The following SEMA6D variants were observed in gnomAD, a reference collection of about 807,000 sequenced individuals.
SEMA6D encodes semaphorin-6D.
SEMA6D carries 35 observed loss-of-function variants against 106.6 expected under a neutral mutation model. The ratio of observed to expected loss-of-function variants is 0.33; its 90% CI spans 0.25 to 0.44. The LOEUF is 0.44. Ranked by LOEUF, SEMA6D falls within the 20% of genes least tolerant of loss-of-function variation. The pLI, the probability that SEMA6D is intolerant of heterozygous loss-of-function variation, is 1.00. For synonymous variants in SEMA6D, 499 were observed against 487.7 expected, an observed-to-expected ratio of 1.02 and a Z score of -0.31; for missense variants, 1,185 against 1,345.9, an observed-to-expected ratio of 0.88 and a Z score of 1.87.
intron 3 of SEMA6D, among the ~76,000 whole-genome samples, chr15:47,551,995 A>G: frequency 6.6e-6 from 1 of 151,856 alleles, no homozygotes. Context: ...TTGACCTGGT[A>G]ATCCCACTTG....
intron 2 of SEMA6D, among the ~76,000 whole-genome samples, chr15:47,447,870 A>G (rs941950689): frequency 1.3e-5 from 2 of 152,166 alleles, no homozygotes; most frequent in East Asian, 3.9e-4. Flanking sequence ...GGACATTGCC[A>G]GAATTGAATT....
chr15:47,428,392 T>G (rs1257678442), intron 2 of SEMA6D, among the ~76,000 whole-genome samples: 1 of 152,082 alleles, frequency 6.6e-6, no homozygotes, highest in Non-Finnish European at 1.5e-5. Context: ...ATTATAACCA[T>G]GTACTGCAGT....
At chr15:47,291,829 A>C (rs1339189496) in intron 1 of SEMA6D, among the ~76,000 whole-genome samples, 1 of 152,154 alleles carries the variant, frequency 6.6e-6, no homozygotes, top group Admixed American at 6.5e-5. Flanking sequence ...TGTCTATCTA[A>C]TCTATATCTG....
At chr15:47,755,306 T>C (rs1411910647) in intron 1 of SEMA6D, among the ~76,000 whole-genome samples, 1 of 152,182 alleles carries the variant, frequency 6.6e-6, no homozygotes, top group Non-Finnish European at 1.5e-5. Flanking sequence ...AAATTCTCCA[T>C]GTTGTCATCT....
At chr15:47,286,984 A>G (rs539608019) in intron 1 of SEMA6D, among the ~76,000 whole-genome samples, 3 of 152,210 alleles carry the variant, frequency 2.0e-5, no homozygotes, top group African/African-American at 7.2e-5. Context: ...TCTGACATAC[A>G]TTTCTCCCCC....
chr15:47,254,329 G>GTATATATATATA (rs201817469), intron 1 of SEMA6D, among the ~76,000 whole-genome samples: 103 of 132,682 alleles, frequency 7.8e-4, no homozygotes, highest in Non-Finnish European at 9.4e-4. Context: ...ATGTGTGTGT[G>GTATATATATATA]TGTATATATA....
chr15:47,283,940 C>A (rs542618199), intron 1 of SEMA6D, among the ~76,000 whole-genome samples: 2 of 152,280 alleles, frequency 1.3e-5, no homozygotes, highest in Admixed American at 6.5e-5. Flanking sequence ...ACCTCCATTT[C>A]TATTTGACCT....
At chr15:47,398,851 G>A (rs2040304818) in intron 1 of SEMA6D, among the ~76,000 whole-genome samples, 1 of 152,072 alleles carries the variant, frequency 6.6e-6, no homozygotes. Context: ...CTCATCCATG[G>A]AGGATGTGCA....
intron 1 of SEMA6D, among the ~76,000 whole-genome samples, chr15:47,741,438 C>T (rs1439319508): frequency 6.6e-6 from 1 of 152,162 alleles, no homozygotes; most frequent in Non-Finnish European, 1.5e-5. Context: ...ATAAGAAGGC[C>T]GGGCACAGTG....
At chr15:47,407,407 AAC>A (rs1333756827) in intron 1 of SEMA6D, among the ~76,000 whole-genome samples, 2 of 124,292 alleles carry the variant, frequency 1.6e-5, no homozygotes, top group South Asian at 2.5e-4. Flanking sequence ...CAACAACAAC[AAC>A]AAAAAAAACA....
intron 2 of SEMA6D, among the ~76,000 whole-genome samples, chr15:47,444,070 G>A (rs1439050892): frequency 6.6e-6 from 1 of 152,268 alleles, no homozygotes; most frequent in Non-Finnish European, 1.5e-5. Flanking sequence ...AAATGTGACT[G>A]AGTAGGCCAT....
chr15:47,228,015 A>T (rs945565915), intron 1 of SEMA6D, among the ~76,000 whole-genome samples: 2,997 of 10,936 alleles, frequency 0.27, 140 homozygotes, highest in African/African-American at 0.28. Context: ...ATATATAAGA[A>T]TCATATATTT....
At chr15:47,292,112 GA>G (rs1221410478) in intron 1 of SEMA6D, among the ~76,000 whole-genome samples, 1 of 152,172 alleles carries the variant, frequency 6.6e-6, no homozygotes, top group African/African-American at 2.4e-5. Flanking sequence ...ATAAATGTGT[GA>G]ATAGAATATG....
intron 1 of SEMA6D, among the ~76,000 whole-genome samples, chr15:47,372,732 A>C (rs962363853): frequency 2.0e-5 from 3 of 152,226 alleles, no homozygotes; most frequent in Non-Finnish European, 2.9e-5. Flanking sequence ...AAACAGCCAC[A>C]TTAAACTTTG....
chr15:47,567,357 G>T (rs1334501755), intron 3 of SEMA6D, among the ~76,000 whole-genome samples: 1 of 152,126 alleles, frequency 6.6e-6, no homozygotes, highest in African/African-American at 2.4e-5. Context: ...AAATATGTAT[G>T]CATATTCAAA....
rs562494317 is a variant in SEMA6D at position 47,660,498 on chromosome 15, C to T, written c.-55+59602C>T. Among the ~76,000 whole-genome samples, 5 of 152,170 alleles carry T rather than the reference C, an allele frequency of 3.3e-5. No homozygotes were observed. In the South Asian group the frequency reaches 6.2e-4, roughly 19 times the overall value. On this transcript the variant is annotated intron_variant, in intron 4 of 19. Transcript: ENST00000558014. ...AGCATATATGGGATGTGGACAAACA[C>T]GTAGACCCAGGCGGATGCAAAGGCT...
intron 1 of SEMA6D, among the ~76,000 whole-genome samples, chr15:47,357,704 C>T (rs917684461): frequency 6.6e-6 from 1 of 152,172 alleles, no homozygotes; most frequent in African/African-American, 2.4e-5. Context: ...GGTGGGTCTG[C>T]CTTTCCCAGC....
chr15:47,705,888 T>C (rs1356068210), intron 4 of SEMA6D, among the ~76,000 whole-genome samples: 1 of 152,224 alleles, frequency 6.6e-6, no homozygotes, highest in African/African-American at 2.4e-5. Flanking sequence ...GCCACACTCC[T>C]ATGGCTTCCA....
intron 1 of SEMA6D, among the ~76,000 whole-genome samples, chr15:47,204,445 T>C (rs1267281886): frequency 6.6e-6 from 1 of 152,182 alleles, no homozygotes; most frequent in Non-Finnish European, 1.5e-5. Context: ...ATCTTCATAA[T>C]ATTTCATTAA....
Sources: gnomAD v4.1 joint callset for allele counts (sites outside exome capture counted in the v4.1 genomes callset) on GRCh38, gnomAD v4.1.1 for gene constraint, MANE v1.5 for transcripts, NCBI Gene and HGNC (gene_info 2026-07-23, HGNC 2026-07-21) for gene names.